The following CNTNAP4 variants were observed in gnomAD, a reference collection of about 807,000 sequenced individuals.
The protein encoded by CNTNAP4 is contactin associated protein family member 4.
Under a neutral mutation model 148.4 loss-of-function variants are expected in CNTNAP4, and 98 were observed. The observed-to-expected ratio is 0.66, with a 90% CI of 0.56 to 0.78. CNTNAP4 has a LOEUF of 0.78. CNTNAP4 is among the 30% of genes least tolerant of loss of function. The probability of loss-of-function intolerance (pLI) is 0.00; values close to 1 mark genes in which losing one functional copy is unlikely to be tolerated. For missense variants in CNTNAP4, 1,935 were observed against 1,565.6 expected (o/e 1.24, Z -3.98); for synonymous variants, 730 against 565.1 (o/e 1.29, Z -4.14).
At chr16:76,289,091 A>G (rs1300914709) in intron 1 of CNTNAP4, among the ~76,000 whole-genome samples, 1 of 152,096 alleles carries the variant, frequency 6.6e-6, no homozygotes, top group African/African-American at 2.4e-5. Flanking sequence ...TTTATAGCAA[A>G]TGTAATTTGA....
intron 10 of CNTNAP4, among the ~76,000 whole-genome samples, chr16:76,471,719 G>T (rs2081384373): frequency 6.6e-6 from 1 of 152,142 alleles, no homozygotes; most frequent in Non-Finnish European, 1.5e-5. Context: ...TATTCCAGTT[G>T]ATTTGAAGAT....
At chr16:76,541,810 C>T (rs1354682664) in intron 21 of CNTNAP4, among the ~76,000 whole-genome samples, 1 of 152,064 alleles carries the variant, frequency 6.6e-6, no homozygotes, top group Non-Finnish European at 1.5e-5. Context: ...TCCAAACAAA[C>T]AGGGGAAATA....
Position 76,539,707 on chromosome 16 carries a change from T to C in CNTNAP4, c.3221-12T>C. ...TTTTTACTAAAAGAATCACAATTTT[T>C]CCCCACTCTAGGAAGTTTGCAGATC... On this transcript the variant is annotated splice_polypyrimidine_tract_variant and intron_variant, in intron 19 of 23. Transcript: ENST00000611870. 1 of 1,571,692 alleles carries C rather than the reference T, an allele frequency of 6.4e-7. No homozygotes were observed. The highest frequency in any genetic ancestry group is 8.6e-7 in the Non-Finnish European group (1 of 1,166,240).
chr16:76,342,004 C>T (rs1964507272), intron 2 of CNTNAP4, among the ~76,000 whole-genome samples: 1 of 152,132 alleles, frequency 6.6e-6, no homozygotes, highest in Non-Finnish European at 1.5e-5. Flanking sequence ...GATGAGTTTT[C>T]TCTCAGTTCA....
intron 2 of CNTNAP4, among the ~76,000 whole-genome samples, chr16:76,329,202 A>G (rs935507344): frequency 1.3e-5 from 2 of 152,206 alleles, no homozygotes; most frequent in African/African-American, 4.8e-5. Flanking sequence ...AAAAATTAAT[A>G]TGGACTGAAT....
intron 17 of CNTNAP4, among the ~76,000 whole-genome samples, chr16:76,533,239 G>A (rs961258941): frequency 6.6e-6 from 1 of 152,148 alleles, no homozygotes; most frequent in Non-Finnish European, 1.5e-5. Context: ...ACCAGGAACA[G>A]AAAGTTAAAC....
intron 3 of CNTNAP4, among the ~76,000 whole-genome samples, chr16:76,402,049 T>TA (rs1568015670): frequency 6.6e-6 from 1 of 152,072 alleles, no homozygotes; most frequent in Non-Finnish European, 1.5e-5. Context: ...GGATGATATT[T>TA]ACCTCATAGA....
At chr16:76,299,132 G>A (rs535351229) in intron 1 of CNTNAP4, among the ~76,000 whole-genome samples, 2 of 152,100 alleles carry the variant, frequency 1.3e-5, no homozygotes, top group African/African-American at 2.4e-5. Context: ...GGCAACAAAA[G>A]CCAGAATTGA....
intron 1 of CNTNAP4, among the ~76,000 whole-genome samples, chr16:76,299,647 A>T (rs1045743987): frequency 2.0e-5 from 3 of 152,172 alleles, no homozygotes; most frequent in Admixed American, 6.6e-5. Context: ...ATTACTGGAT[A>T]TATACCCAAA....
chr16:76,494,018 T>G (rs1332918532), intron 13 of CNTNAP4, among the ~76,000 whole-genome samples: 1 of 152,212 alleles, frequency 6.6e-6, no homozygotes, highest in Non-Finnish European at 1.5e-5. Flanking sequence ...AGAAACTGAC[T>G]GATTCTATGT....
At chr16:76,477,324 C>CA (rs1442277258) in intron 11 of CNTNAP4, among the ~76,000 whole-genome samples, 10 of 152,116 alleles carry the variant, frequency 6.6e-5, no homozygotes, top group Non-Finnish European at 1.2e-4. Context: ...ATTTCCCCCC[C>CA]ATTTTTTCCG....
chr16:76,519,732 C>T (rs768004274), intron 15 of CNTNAP4, among the ~76,000 whole-genome samples: 1 of 152,110 alleles, frequency 6.6e-6, no homozygotes, highest in Non-Finnish European at 1.5e-5. Context: ...CTTGATGTGA[C>T]TCTGATAATA....
chr16:76,291,255 T>C (rs929709922), intron 1 of CNTNAP4, among the ~76,000 whole-genome samples: 7 of 152,174 alleles, frequency 4.6e-5, no homozygotes, highest in Non-Finnish European at 1.0e-4. Flanking sequence ...ACATTGCTTT[T>C]ACAGGTTAAA....
chr16:76,453,069 A>G (rs1052414966), intron 8 of CNTNAP4, among the ~76,000 whole-genome samples: 2 of 152,184 alleles, frequency 1.3e-5, no homozygotes, highest in Non-Finnish European at 2.9e-5. Flanking sequence ...GTTTTGGGGA[A>G]AACATGAAGA....
intron 3 of CNTNAP4, among the ~76,000 whole-genome samples, chr16:76,416,415 G>A (rs899728382): frequency 1.3e-4 from 19 of 150,686 alleles, no homozygotes; most frequent in Non-Finnish European, 2.5e-4. Context: ...AATTTTCCTC[G>A]AACACTGCTT....
intron 17 of CNTNAP4, among the ~76,000 whole-genome samples, chr16:76,535,343 T>G (rs911002570): frequency 2.0e-5 from 3 of 152,240 alleles, no homozygotes; most frequent in Non-Finnish European, 2.9e-5. Flanking sequence ...AAAAAAAATG[T>G]AACATATTCA....
At chr16:76,288,769 G>A (rs1277715805) in intron 1 of CNTNAP4, among the ~76,000 whole-genome samples, 3 of 152,130 alleles carry the variant, frequency 2.0e-5, no homozygotes, top group Non-Finnish European at 4.4e-5. Context: ...ATACGTTGAT[G>A]GATGATAATT....
Position 76,559,223 on chromosome 16 carries a change from A to G in CNTNAP4, c.*540A>G, listed in dbSNP as rs919389703. Reference sequence around the variant, plus strand: ...GTATTATATTCAATACAATACATCAATAGTCTTGAAAAATGTTTTGCTGTC... The same window carrying G: ...GTATTATATTCAATACAATACATCAGTAGTCTTGAAAAATGTTTTGCTGTC... On this transcript the variant is annotated 3_prime_UTR_variant, in exon 24 of 24. Transcript: ENST00000611870. 6.6e-6 allele frequency: 1 copy of G among 152,114 alleles called. No individual in the cohort carries two copies. The highest frequency in any genetic ancestry group is 2.1e-4 in the South Asian group (1 of 4,816). The allele number at this position is 152,114 out of a possible 1,614,324, so 9.4% of individuals were successfully genotyped here. A position where few individuals can be genotyped will look rare whatever the true frequency, so the allele number is the denominator to read the frequency against.
At chr16:76,345,610 C>G (rs1265532947) in intron 2 of CNTNAP4, among the ~76,000 whole-genome samples, 3 of 152,052 alleles carry the variant, frequency 2.0e-5, no homozygotes, top group Non-Finnish European at 4.4e-5. Flanking sequence ...TCTGTGTTTG[C>G]TAATTGGATC....
Sources: allele counts gnomAD v4.1 joint callset (sites outside exome capture counted in the v4.1 genomes callset), GRCh38; gene constraint gnomAD v4.1.1; transcripts MANE v1.5; gene names NCBI Gene and HGNC (gene_info 2026-07-23, HGNC 2026-07-21).